Variants in CHN1 observed in about 807,000 individuals in gnomAD.
CHN1 encodes N-chimaerin.
In CHN1, 37 loss-of-function variants were observed where a neutral mutation model predicts 59.5. The observed-to-expected ratio is 0.62, with a 90% CI of 0.48 to 0.82. The LOEUF is 0.82. Among genes scored for constraint, CHN1 ranks in the 40% least tolerant of loss-of-function variants. The pLI, the probability that CHN1 is intolerant of heterozygous loss-of-function variation, is 0.00. For synonymous variants in CHN1, 206 were observed against 200.4 expected (o/e 1.03, Z -0.24); for missense variants, 469 against 571.0 (o/e 0.82, Z 1.82).
chr2:174,924,200 C>G (rs1038649928), intron 3 of CHN1, among the ~76,000 whole-genome samples: 1 of 152,112 alleles, frequency 6.6e-6, no homozygotes, highest in African/African-American at 2.4e-5. Flanking sequence ...AAGAAAATTT[C>G]CATATGTAAA....
chr2:174,883,819 T>C (rs1044058051), intron 5 of CHN1, among the ~76,000 whole-genome samples: 2 of 150,866 alleles, frequency 1.3e-5, no homozygotes, highest in African/African-American at 2.4e-5. Flanking sequence ...ATAGAATATA[T>C]AGAAAAATAA....
chr2:174,935,636 CAT>C (rs1275183863), intron 3 of CHN1, among the ~76,000 whole-genome samples: 1 of 152,044 alleles, frequency 6.6e-6, no homozygotes, highest in Non-Finnish European at 1.5e-5. Flanking sequence ...ATTTTTAAAA[CAT>C]GTGTTGGCCT....
intron 6 of CHN1, among the ~76,000 whole-genome samples, chr2:174,874,097 T>C (rs1687487376): frequency 6.6e-6 from 1 of 152,214 alleles, no homozygotes; most frequent in South Asian, 2.1e-4. Context: ...AACAATTATG[T>C]GAGACATTTC....
intron 3 of CHN1, among the ~76,000 whole-genome samples, chr2:174,935,775 C>T (rs1057198690): frequency 1.3e-5 from 2 of 151,706 alleles, no homozygotes; most frequent in Admixed American, 6.6e-5. Flanking sequence ...GAAAACAAAA[C>T]AAAACAAAAA....
At chr2:174,986,102 T>C (rs895911253) in intron 1 of CHN1, among the ~76,000 whole-genome samples, 2 of 152,200 alleles carry the variant, frequency 1.3e-5, no homozygotes, top group African/African-American at 2.4e-5. Context: ...GAAATATTTA[T>C]AGCCAAACCG....
intron 1 of CHN1, among the ~76,000 whole-genome samples, chr2:174,969,569 C>T (rs1337834814): frequency 1.3e-5 from 2 of 152,152 alleles, no homozygotes; most frequent in Non-Finnish European, 2.9e-5. Flanking sequence ...CTAGCTGTTT[C>T]TTCGGTCTAG....
intron 2 of CHN1, among the ~76,000 whole-genome samples, chr2:174,945,545 T>C (rs1689802376): frequency 6.6e-6 from 1 of 152,148 alleles, no homozygotes; most frequent in Non-Finnish European, 1.5e-5. Flanking sequence ...CATCTGAAAA[T>C]GCATCAGTGA....
chr2:174,961,112 T>C (rs1430796206), intron 1 of CHN1, among the ~76,000 whole-genome samples: 1 of 81,006 alleles, frequency 1.2e-5, no homozygotes, highest in South Asian at 3.5e-4. Flanking sequence ...TGGGTGACAC[T>C]GACGGAGGGA....
intron 3 of CHN1, among the ~76,000 whole-genome samples, chr2:174,935,124 T>C (rs1165992363): frequency 6.6e-6 from 1 of 152,208 alleles, no homozygotes; most frequent in East Asian, 1.9e-4. Context: ...GGGCTTATCT[T>C]TTACCACTCT....
Position 174,824,749 on chromosome 2 carries a change from T to C in CHN1, c.628-231A>G, listed in dbSNP as rs565697772. On this transcript the variant is annotated intron_variant, in intron 7 of 12. Coordinates refer to ENST00000409900, the MANE Select transcript of CHN1 (RefSeq NM_001822.7). ...CCTCAGCCTCCTGAGTAGCTGGGAC[T>C]ACAGGCACACACGACCACACCCAGA... Among the ~76,000 whole-genome samples the C allele has an allele frequency of 3.3e-5, 5 of 152,296 alleles. No homozygotes were observed. In the East Asian group the frequency reaches 9.6e-4, roughly 29 times the overall value.
intron 5 of CHN1, among the ~76,000 whole-genome samples, chr2:174,891,140 CA>C (rs58016502): frequency 0.066 from 1,619 of 24,380 alleles, 1 homozygote; most frequent in African/African-American, 0.097. Context: ...GACTCCATCT[CA>C]AAAAAAAAAA....
chr2:174,847,591 C>T, intron 6 of CHN1: 1 of 1,308,872 alleles, frequency 7.6e-7, no homozygotes, highest in Non-Finnish European at 1.0e-6. Context: ...TATGAAGCCC[C>T]TAGCAGGGAA....
At chr2:174,917,818 AAAAC>A (rs1422627298) in intron 4 of CHN1, among the ~76,000 whole-genome samples, 6 of 152,160 alleles carry the variant, frequency 3.9e-5, no homozygotes, top group African/African-American at 1.2e-4. Context: ...CCAGTCAGAA[AAAAC>A]AAACAATTTT....
At chr2:174,992,919 T>C (rs1380809997) in intron 1 of CHN1, among the ~76,000 whole-genome samples, 1 of 152,054 alleles carries the variant, frequency 6.6e-6, no homozygotes, top group East Asian at 1.9e-4. Flanking sequence ...CCTCCCCAAA[T>C]AGCTGGAACT....
chr2:174,830,620 G>A (rs568341626), intron 7 of CHN1, among the ~76,000 whole-genome samples: 1 of 152,172 alleles, frequency 6.6e-6, no homozygotes, highest in Non-Finnish European at 1.5e-5. Flanking sequence ...TGATGACCAT[G>A]GCAGGAAAGG....
intron 3 of CHN1, among the ~76,000 whole-genome samples, chr2:174,935,156 G>A (rs1035354282): frequency 6.6e-6 from 1 of 152,172 alleles, no homozygotes; most frequent in Non-Finnish European, 1.5e-5. Flanking sequence ...TCTGCCCTTG[G>A]CCAGAGGAGC....
intron 5 of CHN1, among the ~76,000 whole-genome samples, chr2:174,884,201 GACCTCGTGATCCACCC>G: frequency 6.6e-6 from 1 of 151,952 alleles, no homozygotes; most frequent in East Asian, 1.9e-4. Flanking sequence ...TCGATCTCCT[GACCTCGTGATCCACCC>G]ACCTCGGTCT....
intron 5 of CHN1, among the ~76,000 whole-genome samples, chr2:174,879,361 T>C (rs944505049): frequency 2.6e-5 from 4 of 152,222 alleles, no homozygotes; most frequent in African/African-American, 9.6e-5. Context: ...AATTAGACTT[T>C]AATAACAATT....
intron 2 of CHN1, among the ~76,000 whole-genome samples, chr2:174,951,808 T>C (rs1558995068): frequency 6.6e-6 from 1 of 152,184 alleles, no homozygotes. Flanking sequence ...GTCATTTAAA[T>C]ATTCCTTTCT....
Sources: allele counts gnomAD v4.1 joint callset (sites outside exome capture counted in the v4.1 genomes callset), GRCh38; gene constraint gnomAD v4.1.1; transcripts MANE v1.5; gene names NCBI Gene and HGNC (gene_info 2026-07-23, HGNC 2026-07-21).